Variants in TJP1 observed in about 807,000 individuals in gnomAD.
TJP1 encodes the protein tight junction protein 1.
In TJP1, 43 loss-of-function variants were observed where a neutral mutation model predicts 194.2. The observed-to-expected ratio is 0.22, with a 90% confidence interval of 0.17 to 0.29. TJP1 has a LOEUF of 0.29. Among genes scored for constraint, TJP1 ranks in the 10% least tolerant of loss-of-function variants. The probability of loss-of-function intolerance (pLI) is 1.00; values close to 1 mark genes in which losing one functional copy is unlikely to be tolerated. For synonymous variants in TJP1, 801 were observed against 779.0 expected (o/e 1.03, Z -0.47); for missense variants, 1,971 against 2,185.7 (o/e 0.90, Z 1.96).
chr15:29,881,950 T>G (rs2052948332), intron 2 of TJP1, among the ~76,000 whole-genome samples: 1 of 151,336 alleles, frequency 6.6e-6, no homozygotes, highest in Admixed American at 6.6e-5. Flanking sequence ...TATATAGATA[T>G]ATATAGATAT....
chr15:29,761,903 C>T (rs1180538641), intron 6 of TJP1, 134 bp from the exon 7 acceptor site: 2 of 831,692 alleles, frequency 2.4e-6, no homozygotes, highest in African/African-American at 3.4e-5. Flanking sequence ...CTTTTCCAAA[C>T]TGTCAAAGTA....
At chr15:29,802,334 A>C (rs2048842831) in intron 1 of TJP1, among the ~76,000 whole-genome samples, 1 of 152,134 alleles carries the variant, frequency 6.6e-6, no homozygotes, top group Admixed American at 6.5e-5. Context: ...TCCCACAGCG[A>C]CTTTAATTGA....
intron 2 of TJP1, among the ~76,000 whole-genome samples, chr15:29,929,994 A>G (rs2054654776): frequency 6.6e-6 from 1 of 152,176 alleles, no homozygotes; most frequent in South Asian, 2.1e-4. Flanking sequence ...AAAAGTGGAC[A>G]ATTCCAAAAA....
chr15:29,963,800 C>T (rs957307992), intron 1 of TJP1, among the ~76,000 whole-genome samples: 17 of 152,084 alleles, frequency 1.1e-4, no homozygotes, highest in Non-Finnish European at 2.2e-4. Flanking sequence ...ACTACAGGTA[C>T]GCGCCATCAC....
intron 2 of TJP1, among the ~76,000 whole-genome samples, chr15:29,914,685 G>A (rs762322504): frequency 8.6e-5 from 13 of 151,954 alleles, no homozygotes; most frequent in East Asian, 3.9e-4. Context: ...ACAGACCTCC[G>A]GGGAGAGTAT....
In TJP1 at chr15:29,772,172, G is replaced by A; in HGVS notation, c.210-6C>T. 3.2e-6 allele frequency: 5 copies of A among 1,559,270 alleles called. No individual in the cohort carries two copies. Among genetic ancestry groups the A allele is most frequent in the Non-Finnish European group, 4.4e-6 (5 of 1,142,778 alleles). ...TTGCAACTCGGTCATTTTCCCTAAG[G>A]GGAAAAGGGCACAAAATAATATGTT... On this transcript the variant is annotated splice_polypyrimidine_tract_variant and splice_region_variant and intron_variant, in intron 3 of 27. Coordinates refer to ENST00000614355, the MANE Select transcript of TJP1 (RefSeq NM_001330239.4).
Position 29,863,093 on chromosome 15 carries a change from G to A in TJP1, c.307-62391C>T, listed in dbSNP as rs544179494. Among the ~76,000 whole-genome samples, 195 of 151,590 alleles carry A rather than the reference G, an allele frequency of 1.3e-3. 2 individuals are homozygous for A. Among genetic ancestry groups the A allele is most frequent in the African/African-American group, 4.3e-3 (180 of 41,424 alleles). ...GCGGATTCCCTGAGGTCAGGAGTTC[G>A]AGACCAGCCTGGCCAACATGGTGAA... is the stretch of plus-strand genomic sequence containing the variant. On this transcript the variant is annotated intron_variant, in intron 2 of 28. Transcript: ENST00000356107.
chr15:29,834,504 C>T (rs909884820), intron 2 of TJP1, among the ~76,000 whole-genome samples: 1 of 152,246 alleles, frequency 6.6e-6, no homozygotes, highest in Non-Finnish European at 1.5e-5. Context: ...AGGCATGAGC[C>T]ACCGCACAGC....
Position 29,922,779 on chromosome 15 carries a change from T to C in TJP1, c.306+33453A>G, listed in dbSNP as rs117764027. 1.2e-3 allele frequency among the ~76,000 whole-genome samples: 184 copies of C among 152,198 alleles called. 1 individual carries two copies. Among genetic ancestry groups the C allele is most frequent in the Non-Finnish European group, 1.6e-3 (112 of 67,982 alleles). On this transcript the variant is annotated intron_variant, in intron 2 of 28. Transcript: ENST00000356107. ...AAAGCATAATGGGATAATAAACAGG[T>C]TAACAGTGTAATAATGATAATTAAC...
chr15:29,806,262 G>A (rs1567065458), intron 1 of TJP1, among the ~76,000 whole-genome samples: 1 of 152,152 alleles, frequency 6.6e-6, no homozygotes, highest in Non-Finnish European at 1.5e-5. Flanking sequence ...AGATAACCCT[G>A]TGGACAACCA....
chr15:29,949,688 ACCACCT>A (rs2055552984), intron 2 of TJP1, among the ~76,000 whole-genome samples: 1 of 90,224 alleles, frequency 1.1e-5, no homozygotes, highest in Non-Finnish European at 2.2e-5. Flanking sequence ...CACCTTCACC[ACCACCT>A]CCACCACCAC....
intron 8 of TJP1, among the ~76,000 whole-genome samples, chr15:29,750,009 ATT>A (rs34349418): frequency 1.5e-5 from 2 of 136,556 alleles, no homozygotes. Flanking sequence ...TGTCCGGCTA[ATT>A]TTTTTTTTTT....
chr15:29,867,596 T>A (rs1432073352), intron 2 of TJP1, among the ~76,000 whole-genome samples: 2 of 152,084 alleles, frequency 1.3e-5, no homozygotes, highest in African/African-American at 4.8e-5. Flanking sequence ...GTGTAAAAAA[T>A]TTGTTTTAAA....
chr15:29,850,834 A>G (rs886370633), intron 2 of TJP1, among the ~76,000 whole-genome samples: 26 of 151,528 alleles, frequency 1.7e-4, no homozygotes, highest in African/African-American at 6.1e-4. Flanking sequence ...GAAAAAACAA[A>G]TAAGTAATAA....
intron 8 of TJP1, among the ~76,000 whole-genome samples, chr15:29,756,189 A>G (rs545163946): frequency 1.5e-4 from 23 of 152,192 alleles, no homozygotes; most frequent in African/African-American, 5.3e-4. Context: ...GTCACCATCA[A>G]CTGTGGGCTC....
intron 2 of TJP1, among the ~76,000 whole-genome samples, chr15:29,890,920 G>A (rs757402238): frequency 6.6e-6 from 1 of 152,202 alleles, no homozygotes; most frequent in Non-Finnish European, 1.5e-5. Flanking sequence ...CCTGCATAGA[G>A]AGCTTGCATC....
At position 29,829,699 on chromosome 15, in the gene TJP1, AT is replaced by A. The variant is rs1000070302; in HGVS notation, c.307-28998del. 2.0e-5 allele frequency among the ~76,000 whole-genome samples: 3 copies of A among 152,120 alleles called. No individual in the cohort carries two copies. The South Asian group carries it at 6.2e-4, about 32-fold the overall frequency. On this transcript the variant is annotated intron_variant, in intron 2 of 28. Coordinates refer to the TJP1 transcript ENST00000356107. ...GACTCCCCCAGAGTATAATGTTTGC[AT>A]TTTTTTACAATGTGTGTGTTATAAA...
chr15:29,813,901 C>T (rs866500639), intron 1 of TJP1, among the ~76,000 whole-genome samples: 2 of 152,250 alleles, frequency 1.3e-5, no homozygotes, highest in Middle Eastern at 3.4e-3. Context: ...TGTAAAATTC[C>T]GCTTTAGGAA....
intron 9 of TJP1, 86 bp downstream of exon 9, chr15:29,742,556 G>T (rs2044494475): frequency 1.5e-6 from 2 of 1,366,986 alleles, no homozygotes; most frequent in East Asian, 2.6e-5. Context: ...AATAATAATT[G>T]CATCTTTAAA....
Sources: gnomAD v4.1 joint callset for allele counts (sites outside exome capture counted in the v4.1 genomes callset) on GRCh38, gnomAD v4.1.1 for gene constraint, MANE v1.5 for transcripts, NCBI Gene and HGNC (gene_info 2026-07-23, HGNC 2026-07-21) for gene names.